Variants in PPP2R3B observed in about 807,000 individuals in gnomAD.
PPP2R3B encodes protein phosphatase 2 regulatory subunit B''beta.
PPP2R3B carries 68 observed loss-of-function variants against 72.9 expected under a neutral mutation model. The observed-to-expected ratio is 0.93, with a 90% confidence interval of 0.77 to 1.14. PPP2R3B has a LOEUF of 1.14. Ranked by LOEUF, PPP2R3B falls within the 50% of genes most tolerant of loss-of-function variation. The pLI is 0.00. For missense variants in PPP2R3B, 1,018 were observed against 842.0 expected, an observed-to-expected ratio of 1.21 and a Z score of -2.59; for synonymous variants, 466 against 375.8, an observed-to-expected ratio of 1.24 and a Z score of -2.78.
intron 2 of PPP2R3B, among the ~76,000 whole-genome samples, chrX:361,131 T>C (rs1223576373): frequency 6.6e-6 from 1 of 152,120 alleles, no homozygotes; most frequent in Non-Finnish European, 1.5e-5. Context: ...CCTGCGCTCT[T>C]CACAGCATCA....
intron 2 of PPP2R3B, among the ~76,000 whole-genome samples, chrX:355,118 C>T (rs28510137): frequency 0.022 from 3,039 of 139,696 alleles, 100 homozygotes; most frequent in African/African-American, 0.077. Context: ...AGAGACTCTG[C>T]CGGACTTAAA....
intron 10 of PPP2R3B, 119 bp from the exon 11 acceptor site, chrX:339,015 T>C: frequency 1.2e-6 from 1 of 826,478 alleles, no homozygotes; most frequent in Non-Finnish European, 2.1e-6. Context: ...CTCCGGGCTC[T>C]CACGCCACGT....
At chrX:386,300 G>A in intron 1 of PPP2R3B, 68 bp downstream of exon 1, 1 of 1,233,874 alleles carries the variant, frequency 8.1e-7, no homozygotes. Flanking sequence ...CCTCCATCGC[G>A]CAGCCACACG....
chrX:380,913 GC>G (rs2072109693), intron 1 of PPP2R3B, among the ~76,000 whole-genome samples: 1 of 150,192 alleles, frequency 6.7e-6, no homozygotes, highest in Non-Finnish European at 1.5e-5. Flanking sequence ...TGCAGCATCA[GC>G]CCATCGATAC....
At position 338,746 on chromosome X, in the gene PPP2R3B, C is replaced by T. The variant is rs2738375; in HGVS notation, c.1470+32G>A. 6.1e-5 allele frequency: 98 copies of T among 1,611,642 alleles called. No individual in the cohort carries two copies. The African/African-American group carries it at 1.0e-3, about 17-fold the overall frequency. Reference sequence around the variant, plus strand: ...CACACGGGTTACGTACACGGCGTGGCGCGGCCCGGCCCGCGTGCCCGCCGC... The same window carrying T: ...CACACGGGTTACGTACACGGCGTGGTGCGGCCCGGCCCGCGTGCCCGCCGC... On this transcript the variant is annotated intron_variant, in intron 11 of 12. Coordinates refer to ENST00000390665, the MANE Select transcript of PPP2R3B (RefSeq NM_013239.5).
At position 346,793 on chromosome X, in the gene PPP2R3B, C is replaced by A. The variant is rs747542561; in HGVS notation, c.718-18G>T. 6.2e-7 allele frequency: 1 copy of A among 1,605,582 alleles called. No individual in the cohort carries two copies. Among genetic ancestry groups the A allele is most frequent in the Admixed American group, 1.7e-5 (1 of 59,684 alleles). On this transcript the variant is annotated intron_variant, in intron 4 of 12. Coordinates refer to ENST00000390665, the MANE Select transcript of PPP2R3B (RefSeq NM_013239.5). ...ACCACGTCCTGCGGGTGGGAAGACA[C>A]GAGGCGCGTGGTGTAGACGCCGGCC...
chrX:338,206 C>G, intron 12 of PPP2R3B: 1 of 369,470 alleles, frequency 2.7e-6, no homozygotes, highest in South Asian at 3.1e-5. Flanking sequence ...CTCTCAGGGC[C>G]TCCAAGGCTG....
intron 10 of PPP2R3B, among the ~76,000 whole-genome samples, chrX:339,277 G>A (rs1038108981): frequency 6.7e-6 from 1 of 149,628 alleles, no homozygotes; most frequent in Non-Finnish European, 1.5e-5. Flanking sequence ...ATGGCCGGGG[G>A]GGGCAGGGCT....
chrX:359,007 G>T lies in PPP2R3B; in HGVS notation c.510+2398C>A, dbSNP rs2071491579. On this transcript the variant is annotated intron_variant, in intron 2 of 12. Transcript: ENST00000390665. ...CGCGGCCGGGGAGGGGCATCGTGGC[G>T]GGGAAGCACTGAGGGGAATACATGG... Among the ~76,000 whole-genome samples, 3 of 152,148 alleles carry T rather than the reference G, an allele frequency of 2.0e-5. No individual in the cohort carries two copies. The South Asian group carries it at 6.2e-4, about 31-fold the overall frequency.
At chrX:346,453 C>A in intron 5 of PPP2R3B, 193 bp from the exon 6 acceptor site, 1 of 638,628 alleles carries the variant, frequency 1.6e-6, no homozygotes, top group Non-Finnish European at 2.6e-6. Flanking sequence ...GAGGGTCTGG[C>A]CGGGGACGCC....
intron 4 of PPP2R3B, among the ~76,000 whole-genome samples, chrX:347,018 G>T (rs960678183): frequency 2.0e-5 from 3 of 150,298 alleles, no homozygotes; most frequent in African/African-American, 7.4e-5. Flanking sequence ...CCTCCCGTGA[G>T]CGATGAGGTG....
At chrX:335,766 T>C (rs1317227055) in intron 12 of PPP2R3B, 4 of 152,140 alleles carry the variant, frequency 2.6e-5, no homozygotes, top group African/African-American at 7.2e-5. Flanking sequence ...ATCAGGAGCG[T>C]GAGAGACGCT....
rs2072256407 is a variant in PPP2R3B at position 386,535 on chromosome X, C to T, written c.157G>A (p.Glu53Lys). The T allele has an allele frequency of 2.1e-6, 3 of 1,429,264 alleles. No individual in the cohort carries two copies. Among genetic ancestry groups the T allele is most frequent in the Non-Finnish European group, 2.8e-6 (3 of 1,088,282 alleles). 88.5% of individuals were successfully genotyped at this position (1,429,264 alleles called of 1,614,324 possible). A position where few individuals can be genotyped will look rare whatever the true frequency, so the allele number is the denominator to read the frequency against. The part of the protein sequence containing the change: ...GRDQPTPGDG[E>K]QPGAWPTAPL... ...GCTGTGGGCCAGGCCCCGGGCTGCT[C>T]CCCGTCCCCCGGGGTCGGCTGGTCC... The change falls in exon 1 of 13, where the codon GAG becomes AAG. Residue 53 changes from glutamate (E) to lysine (K), a missense_variant. Transcript: ENST00000390665.
At chrX:345,719 G>A (rs760463910) in intron 6 of PPP2R3B, 47 bp from the exon 7 acceptor site, 2 of 1,402,620 alleles carry the variant, frequency 1.4e-6, no homozygotes, top group South Asian at 2.3e-5. Flanking sequence ...CTGCGGGGAT[G>A]CCCCAAGTCC....
chrX:339,032 C>T lies in PPP2R3B; in HGVS notation c.1352-136G>A, dbSNP rs141376474. On this transcript the variant is annotated intron_variant, in intron 10 of 12. Transcript: ENST00000390665. ...CCGGGCTCTCACGCCACGTGTTTGA[C>T]GTGAAAGGCGGACACGCGAGTGTCC... 6.8e-3 allele frequency: 5,224 copies of T among 769,088 alleles called. 189 individuals carry two copies. In the African/African-American group the frequency reaches 0.077, roughly 11 times the overall value. The allele number at this position is 769,088 out of a possible 1,614,324, so 47.6% of individuals were successfully genotyped here. A position where few individuals can be genotyped will look rare whatever the true frequency, so the allele number is the denominator to read the frequency against.
Position 363,571 on chromosome X carries a change from T to TCCACGATCCCACAATGCATCTCCCCGTGC in PPP2R3B, c.325-2010_325-1982dup, listed in dbSNP as rs2071603181. 7.5e-4 allele frequency among the ~76,000 whole-genome samples: 2 copies of TCCACGATCCCACAATGCATCTCCCCGTGC among 2,682 alleles called. 1 individual carries two copies. The highest frequency in any genetic ancestry group is 1.8e-3 in the Non-Finnish European group (2 of 1,132). 1.8% of individuals were successfully genotyped at this position (2,682 alleles called of 152,430 possible). ...CGATCCCGCAGTGCATCTCCATGAG[T>TCCACGATCCCACAATGCATCTCCCCGTGC]CCACGATCCCACAATGCATCTCCCC... On this transcript the variant is annotated intron_variant, in intron 1 of 12. Coordinates refer to ENST00000390665, the MANE Select transcript of PPP2R3B (RefSeq NM_013239.5).
At chrX:376,640 T>C in intron 1 of PPP2R3B, among the ~76,000 whole-genome samples, 1 of 65,156 alleles carries the variant, frequency 1.5e-5, no homozygotes, top group South Asian at 5.9e-4. Context: ...CACTACTGTA[T>C]GCAGGGACGG....
rs1172044498 is a variant in PPP2R3B, at chrX:338,633, C to T, written c.1548G>A (p.Glu516=). ...AAEEYDILVA[E]ETAGEPWEDG... is the part of the protein sequence containing the mutation. Reference sequence around the variant, plus strand: ...CCTCCCAGGGCTCTCCCGCAGTCTCCTCGGCCACCAGGATGTCGTACTCCT... The same window carrying T: ...CCTCCCAGGGCTCTCCCGCAGTCTCTTCGGCCACCAGGATGTCGTACTCCT... Residue 516 remains glutamate (E), a synonymous_variant, in exon 12 of 13, where the codon GAG becomes GAA. Transcript: ENST00000390665. 1.2e-6 allele frequency: 2 copies of T among 1,611,046 alleles called. No individual in the cohort carries two copies. The highest frequency in any genetic ancestry group is 8.5e-7 in the Non-Finnish European group (1 of 1,179,600).
intron 1 of PPP2R3B, among the ~76,000 whole-genome samples, chrX:363,634 C>A (rs866796700): frequency 2.6e-4 from 1 of 3,782 alleles, no homozygotes; most frequent in East Asian, 6.6e-3. Flanking sequence ...CCGAGCCCAC[C>A]ATCCCACAGT....
Sources: allele counts gnomAD v4.1 joint callset (sites outside exome capture counted in the v4.1 genomes callset), GRCh38; gene constraint gnomAD v4.1.1; transcripts MANE v1.5; gene names NCBI Gene and HGNC (gene_info 2026-07-23, HGNC 2026-07-21).